PRR16: variants seen among roughly 807,000 people sequenced by gnomAD.
The protein encoded by PRR16 is protein Largen.
In PRR16, 6 loss-of-function variants were observed where a neutral mutation model predicts 18.2. The observed-to-expected ratio is 0.33, with a 90% CI of 0.18 to 0.65. The LOEUF is 0.65. Among genes scored for constraint, PRR16 ranks in the 30% least tolerant of loss-of-function variants. The probability of loss-of-function intolerance (pLI) is 0.74; values close to 1 mark genes in which losing one functional copy is unlikely to be tolerated. For missense variants in PRR16, 412 were observed against 376.6 expected, an observed-to-expected ratio of 1.09 and a Z score of -0.78; for synonymous variants, 151 against 147.8, an observed-to-expected ratio of 1.02 and a Z score of -0.16.
At chr5:120,724,693 C>A in the PRR16 span, among the ~76,000 whole-genome samples, 216 of 152,126 alleles carry the variant, frequency 1.4e-3, no homozygotes, top group African/African-American at 4.8e-3. Flanking sequence ...GGGGACCTTT[C>A]AGATATCTCC....
chr5:120,514,630 A>G (rs1424207085), intron 1 of PRR16, among the ~76,000 whole-genome samples: 1 of 152,236 alleles, frequency 6.6e-6, no homozygotes, highest in East Asian at 1.9e-4. Flanking sequence ...GTCATAAGAC[A>G]GACACAATTT....
At chr5:120,662,084 C>G (rs1756192855) in intron 1 of PRR16, among the ~76,000 whole-genome samples, 1 of 152,052 alleles carries the variant, frequency 6.6e-6, no homozygotes, top group Non-Finnish European at 1.5e-5. Flanking sequence ...TGGTTCTTCA[C>G]TGCTACATCC....
intron 1 of PRR16, among the ~76,000 whole-genome samples, chr5:120,672,720 A>G (rs963150382): frequency 6.6e-6 from 1 of 152,174 alleles, no homozygotes; most frequent in Non-Finnish European, 1.5e-5. Context: ...TTTAACATCT[A>G]TAGGGGAAAT....
chr5:120,637,396 C>T (rs944246685), intron 1 of PRR16, among the ~76,000 whole-genome samples: 2 of 144,222 alleles, frequency 1.4e-5, no homozygotes, highest in Non-Finnish European at 3.0e-5. Flanking sequence ...AAATATGGAA[C>T]CAGCCCAAAT....
At chr5:120,734,093 T>G in the PRR16 span, among the ~76,000 whole-genome samples, 2 of 152,096 alleles carry the variant, frequency 1.3e-5, no homozygotes, top group Non-Finnish European at 2.9e-5. Context: ...CTGAAAGGAG[T>G]GGCACACAGG....
chr5:120,670,454 A>T (rs971551004), intron 1 of PRR16, among the ~76,000 whole-genome samples: 1 of 152,156 alleles, frequency 6.6e-6, no homozygotes, highest in Non-Finnish European at 1.5e-5. Context: ...TTCAAATTTT[A>T]TGTAACTTAT....
In PRR16 at chr5:120,686,341, C is replaced by T. The variant is rs770425296; in HGVS notation, c.547C>T (p.Pro183Ser). 6.8e-6 allele frequency: 11 copies of T among 1,614,040 alleles called. No homozygotes were observed. Among genetic ancestry groups the T allele is most frequent in the Non-Finnish European group, 9.3e-6 (11 of 1,180,028 alleles). ...CIPNSNLDKAPVQLLMHRPEK... is the reference protein window; with the variant it reads ...CIPNSNLDKASVQLLMHRPEK... ...ACCCAACAGTAACTTGGACAAGGCT[C>T]CAGTCCAGCTTCTGATGCATAGACC... The change falls in exon 2 of 2, where the codon CCA (proline) becomes TCA (serine). Residue 183 changes from proline to serine, a missense_variant. Physicochemically the swap from Pro to Ser is moderately conservative, Grantham distance 74. Transcript: ENST00000407149.
At chr5:120,754,502 T>TATAG in the PRR16 span, among the ~76,000 whole-genome samples, 102 of 75,656 alleles carry the variant, frequency 1.3e-3, 3 homozygotes, top group East Asian at 3.9e-3. Flanking sequence ...ATGTATTTTA[T>TATAG]TATGTATATT....
At chr5:120,501,016 T>C (rs1439963715) in intron 1 of PRR16, among the ~76,000 whole-genome samples, 3 of 152,010 alleles carry the variant, frequency 2.0e-5, no homozygotes, top group African/African-American at 7.2e-5. Context: ...TTAAATGAAA[T>C]ACAACAGAAA....
chr5:120,753,482 G>T, the PRR16 span, among the ~76,000 whole-genome samples: 5 of 151,792 alleles, frequency 3.3e-5, no homozygotes, highest in Non-Finnish European at 5.9e-5. Context: ...GAAATTTTTA[G>T]TTAAATAATG....
intron 1 of PRR16, among the ~76,000 whole-genome samples, chr5:120,515,536 A>G (rs901031815): frequency 3.3e-5 from 5 of 152,220 alleles, no homozygotes; most frequent in Non-Finnish European, 7.3e-5. Flanking sequence ...GTAACTGAGC[A>G]TGGCACCTTT....
At chr5:120,590,180 G>A (rs981408659) in intron 1 of PRR16, among the ~76,000 whole-genome samples, 8 of 134,848 alleles carry the variant, frequency 5.9e-5, no homozygotes, top group Non-Finnish European at 1.0e-4. Context: ...ACCTTAACAA[G>A]TCCTGATCCC....
At chr5:120,651,279 G>T (rs1303949064) in intron 1 of PRR16, among the ~76,000 whole-genome samples, 1 of 152,116 alleles carries the variant, frequency 6.6e-6, no homozygotes, top group Non-Finnish European at 1.5e-5. Flanking sequence ...TCTGTAGGTT[G>T]CCTGTTCACT....
At chr5:120,507,456 G>A (rs1258957676) in intron 1 of PRR16, among the ~76,000 whole-genome samples, 1 of 152,078 alleles carries the variant, frequency 6.6e-6, no homozygotes, top group Non-Finnish European at 1.5e-5. Context: ...AGTGGCAAAT[G>A]TGTGACTGCA....
chr5:120,532,589 A>G (rs10066512), intron 1 of PRR16, among the ~76,000 whole-genome samples: 26,822 of 152,028 alleles, frequency 0.18, 2,515 homozygotes, highest in African/African-American at 0.21. Context: ...AATGCAAACC[A>G]TTGTTCCTTA....
At chr5:120,575,372 ATC>A (rs1254448706) in intron 1 of PRR16, among the ~76,000 whole-genome samples, 2 of 147,030 alleles carry the variant, frequency 1.4e-5, no homozygotes, top group Non-Finnish European at 3.0e-5. Context: ...ACCAGCCAAT[ATC>A]TCTGATGAAC....
At chr5:120,558,102 G>A (rs1580723055) in intron 1 of PRR16, among the ~76,000 whole-genome samples, 1 of 151,662 alleles carries the variant, frequency 6.6e-6, no homozygotes, top group Non-Finnish European at 1.5e-5. Flanking sequence ...ATGGAAAATG[G>A]GGTATCCATC....
chr5:120,489,806 A>T (rs1271107292), intron 1 of PRR16, among the ~76,000 whole-genome samples: 1 of 151,998 alleles, frequency 6.6e-6, no homozygotes, highest in Non-Finnish European at 1.5e-5. Flanking sequence ...GTTCCTTTCC[A>T]TGTTTAGTGC....
chr5:120,705,413 T>C, the PRR16 span, among the ~76,000 whole-genome samples: 1 of 152,080 alleles, frequency 6.6e-6, no homozygotes, highest in South Asian at 2.1e-4. Context: ...ATTTTCCACA[T>C]GTGCTTTTAA....
Sources: allele counts gnomAD v4.1 joint callset (sites outside exome capture counted in the v4.1 genomes callset), GRCh38; gene constraint gnomAD v4.1.1; transcripts MANE v1.5; gene names NCBI Gene and HGNC (gene_info 2026-07-23, HGNC 2026-07-21).